PKHD1: variants seen among roughly 807,000 people sequenced by gnomAD.
PKHD1 encodes fibrocystin.
PKHD1 carries 291 observed loss-of-function variants against 412.0 expected under a neutral mutation model. The observed-to-expected ratio is 0.71, with a 90% CI of 0.64 to 0.78. The LOEUF (loss-of-function observed/expected upper bound fraction) is 0.78. Among genes scored for constraint, PKHD1 ranks in the 30% least tolerant of loss-of-function variants. The probability of loss-of-function intolerance (pLI) is 0.00; values close to 1 mark genes in which losing one functional copy is unlikely to be tolerated. For missense variants in PKHD1, 4,825 were observed against 4,950.7 expected (o/e 0.97, Z 0.76); for synonymous variants, 1,777 against 1,821.5 (o/e 0.98, Z 0.62).
rs573274985 is a variant in PKHD1, at chr6:51,944,395, G to A, written c.5909-10073C>T. 5.9e-5 allele frequency among the ~76,000 whole-genome samples: 9 copies of A among 152,328 alleles called. No individual in the cohort carries two copies. In the South Asian group the frequency reaches 1.9e-3, roughly 32 times the overall value. On this transcript the variant is annotated intron_variant, in intron 36 of 66. Transcript: ENST00000371117. ...CAGCCTTGTTGCTCACACAAAGCCT[G>A]TTTGGTGGTCTCTTCGCATGGATGC...
chr6:51,834,050 C>T (rs1043783642), intron 51 of PKHD1, among the ~76,000 whole-genome samples: 1 of 152,158 alleles, frequency 6.6e-6, no homozygotes, highest in Non-Finnish European at 1.5e-5. Flanking sequence ...CACACCTTTG[C>T]TCTTCATCAA....
At chr6:51,946,651 C>T (rs1789495791) in intron 36 of PKHD1, among the ~76,000 whole-genome samples, 1 of 152,146 alleles carries the variant, frequency 6.6e-6, no homozygotes, top group South Asian at 2.1e-4. Flanking sequence ...CCTTAAATTG[C>T]TTGTTATGAC....
chr6:51,867,743 T>A (rs1775306166), intron 48 of PKHD1, 120 bp downstream of exon 48: 1 of 945,062 alleles, frequency 1.1e-6, no homozygotes, highest in Non-Finnish European at 1.7e-6. Flanking sequence ...CCATTTCACT[T>A]CTTTAGAGCT....
chr6:51,849,002 C>T (rs1771714324), intron 49 of PKHD1, among the ~76,000 whole-genome samples: 2 of 150,308 alleles, frequency 1.3e-5, no homozygotes, highest in Non-Finnish European at 1.5e-5. Context: ...TATACGTGTG[C>T]CATGGTGGTT....
At chr6:51,676,916 A>G (rs1433137114) in intron 60 of PKHD1, among the ~76,000 whole-genome samples, 2 of 152,198 alleles carry the variant, frequency 1.3e-5, no homozygotes, top group Non-Finnish European at 2.9e-5. Context: ...TACACTTATA[A>G]GGTGAAGGCA....
chr6:51,735,243 T>C (rs1319181671), intron 60 of PKHD1, among the ~76,000 whole-genome samples: 6 of 152,170 alleles, frequency 3.9e-5, no homozygotes, highest in Non-Finnish European at 8.8e-5. Context: ...GTCAGACAAA[T>C]ATAGATTTAA....
chr6:52,054,033 G>C lies in PKHD1; in HGVS notation c.1964+5C>G, dbSNP rs777395756. 1 of 1,613,788 alleles carries C rather than the reference G, an allele frequency of 6.2e-7. No individual in the cohort carries two copies. Among genetic ancestry groups the C allele is most frequent in the African/African-American group, 1.3e-5 (1 of 75,008 alleles). Reference sequence around the variant, plus strand: ...TCCCACCACGCCTCCCCACCGATTAGCTACCTCTCGGGGCTGGTCCTCGTG... The same window carrying C: ...TCCCACCACGCCTCCCCACCGATTACCTACCTCTCGGGGCTGGTCCTCGTG... On this transcript the variant is annotated splice_donor_5th_base_variant and intron_variant, in intron 20 of 66. Coordinates refer to ENST00000371117, the MANE Select transcript of PKHD1 (RefSeq NM_138694.4).
At chr6:51,956,347 C>A (rs1436092310) in intron 36 of PKHD1, among the ~76,000 whole-genome samples, 1 of 151,418 alleles carries the variant, frequency 6.6e-6, no homozygotes, top group East Asian at 1.9e-4. Context: ...GTGAGAACAA[C>A]TAAGGACAGT....
chr6:51,925,991 A>G (rs1035940860), intron 37 of PKHD1, among the ~76,000 whole-genome samples: 14 of 150,960 alleles, frequency 9.3e-5, no homozygotes, highest in African/African-American at 3.4e-4. Context: ...AAAAAAAAGT[A>G]AAGTGCTTGC....
intron 3 of PKHD1, 152 bp downstream of exon 3, chr6:52,083,026 T>C: frequency 1.5e-6 from 1 of 680,142 alleles, no homozygotes; most frequent in South Asian, 1.6e-5. Context: ...CAAGCCAGTA[T>C]CTAGAAAGAC....
intron 60 of PKHD1, among the ~76,000 whole-genome samples, chr6:51,673,372 T>C (rs1435782314): frequency 6.6e-6 from 1 of 152,220 alleles, no homozygotes; most frequent in Non-Finnish European, 1.5e-5. Flanking sequence ...AATCAAAGCA[T>C]TAACCTGAAG....
intron 52 of PKHD1, among the ~76,000 whole-genome samples, chr6:51,796,655 A>G (rs537173335): frequency 9.2e-5 from 14 of 152,108 alleles, no homozygotes; most frequent in Admixed American, 9.2e-4. Context: ...TTTCTGTCTT[A>G]ATGCTGCTTT....
chr6:52,026,575 T>C (rs1290546689), intron 31 of PKHD1, among the ~76,000 whole-genome samples: 2 of 152,214 alleles, frequency 1.3e-5, no homozygotes, highest in Non-Finnish European at 2.9e-5. Flanking sequence ...TTGTACATTG[T>C]CCTGTATACA....
chr6:51,677,922 G>C (rs903865804), intron 60 of PKHD1, among the ~76,000 whole-genome samples: 2 of 151,992 alleles, frequency 1.3e-5, no homozygotes, highest in Non-Finnish European at 2.9e-5. Context: ...AAATTCAATA[G>C]ACTATTTTAT....
At chr6:51,775,081 C>A (rs1043222188) in intron 54 of PKHD1, among the ~76,000 whole-genome samples, 3 of 149,796 alleles carry the variant, frequency 2.0e-5, no homozygotes, top group Non-Finnish European at 4.5e-5. Context: ...AATATAATAA[C>A]ATTTAAGCTG....
intron 27 of PKHD1, among the ~76,000 whole-genome samples, chr6:52,040,628 C>T (rs960547862): frequency 2.0e-5 from 3 of 152,328 alleles, no homozygotes; most frequent in South Asian, 4.2e-4. Flanking sequence ...ACCTCCATGA[C>T]ATTCTGGAAC....
intron 57 of PKHD1, among the ~76,000 whole-genome samples, chr6:51,749,835 T>C (rs1438012663): frequency 2.0e-5 from 3 of 152,214 alleles, no homozygotes; most frequent in Non-Finnish European, 4.4e-5. Flanking sequence ...ATAACTGCCC[T>C]ATAGCTATGA....
At chr6:51,883,767 T>C (rs1231454368) in intron 45 of PKHD1, among the ~76,000 whole-genome samples, 4 of 152,320 alleles carry the variant, frequency 2.6e-5, no homozygotes, top group South Asian at 2.1e-4. Flanking sequence ...CTACTTGCTA[T>C]GGTTTAAGCC....
At chr6:51,676,629 T>C (rs1775899885) in intron 60 of PKHD1, among the ~76,000 whole-genome samples, 2 of 152,320 alleles carry the variant, frequency 1.3e-5, no homozygotes, top group South Asian at 4.1e-4. Flanking sequence ...TTAACAAATA[T>C]AAATGGTCCC....
Sources: allele counts gnomAD v4.1 joint callset (sites outside exome capture counted in the v4.1 genomes callset), GRCh38; gene constraint gnomAD v4.1.1; transcripts MANE v1.5; gene names NCBI Gene and HGNC (gene_info 2026-07-23, HGNC 2026-07-21).